MOBP: variants seen among roughly 807,000 people sequenced by gnomAD.
The protein encoded by MOBP is myelin-associated oligodendrocyte basic protein.
Under a neutral mutation model 15.0 loss-of-function variants are expected in MOBP, and 5 were observed. The ratio of observed to expected loss-of-function variants is 0.33; its 90% CI spans 0.17 to 0.70. The LOEUF is 0.70. Among genes scored for constraint, MOBP ranks in the 30% least tolerant of loss-of-function variants. The probability of loss-of-function intolerance (pLI) is 0.67; values close to 1 mark genes in which losing one functional copy is unlikely to be tolerated. For missense variants in MOBP, 188 were observed against 257.8 expected (o/e 0.73, Z 1.85); for synonymous variants, 88 against 99.0 (o/e 0.89, Z 0.66).
intron 2 of MOBP, among the ~76,000 whole-genome samples, chr3:39,493,145 TAAAA>T (rs2125644990): frequency 6.6e-6 from 1 of 152,188 alleles, no homozygotes; most frequent in South Asian, 2.1e-4. Context: ...GAAAAGATGA[TAAAA>T]AGAAAGGAGG....
chr3:39,502,161 C>T lies in MOBP; in HGVS notation c.92C>T (p.Thr31Ile), dbSNP rs764606840. Residue 31 changes from threonine to isoleucine, a missense_variant, in exon 3 of 4, where the codon ACC (threonine) becomes ATC (isoleucine). This residue lies in a region of MOBP where 133 missense variants were observed against 212.5 expected (regional missense o/e 0.63). Transcript: ENST00000684792. This position sits in a 1 kb window ranked among gnomAD's most constrained non-coding sequence, Gnocchi z 6.3. Reference sequence around the variant, plus strand: ...AGCATACACTGCTGCCCGCCGTTCACCTTCCTCAATTCCAAGAAGGAGATA... The same window carrying T: ...AGCATACACTGCTGCCCGCCGTTCATCTTCCTCAATTCCAAGAAGGAGATA... ...HFSIHCCPPF[T>I]FLNSKKEIVD... The T allele has an allele frequency of 6.8e-6, 11 of 1,614,140 alleles. No homozygotes were observed. Among genetic ancestry groups the T allele is most frequent in the Non-Finnish European group, 9.3e-6 (11 of 1,180,052 alleles).
At chr3:39,496,530 G>A (rs757507290) in intron 2 of MOBP, among the ~76,000 whole-genome samples, 2 of 151,156 alleles carry the variant, frequency 1.3e-5, no homozygotes, top group Non-Finnish European at 2.9e-5. Context: ...ACAGAGTCTC[G>A]CTGTGTTGCC....
chr3:39,479,287 A>G (rs926176448), intron 1 of MOBP, among the ~76,000 whole-genome samples: 6 of 152,154 alleles, frequency 3.9e-5, no homozygotes, highest in Non-Finnish European at 7.3e-5. Flanking sequence ...TTTCAATTAC[A>G]TCCTTATTAC....
At chr3:39,518,526 CAGAA>C (rs1259061638), downstream of MOBP, among the ~76,000 whole-genome samples, 4 of 152,058 alleles carry the variant, frequency 2.6e-5, no homozygotes, top group African/African-American at 9.7e-5. Flanking sequence ...ACCCTTCATG[CAGAA>C]AGAAAGAGCT....
chr3:39,488,702 T>C (rs984995567), intron 2 of MOBP, among the ~76,000 whole-genome samples: 7 of 152,058 alleles, frequency 4.6e-5, no homozygotes, highest in East Asian at 3.8e-4. Context: ...AATTGCTTCA[T>C]TGGGCATTCG....
intron 2 of MOBP, among the ~76,000 whole-genome samples, chr3:39,498,360 T>C (rs1449386037): frequency 6.6e-6 from 1 of 152,154 alleles, no homozygotes; most frequent in East Asian, 1.9e-4. Context: ...TTTTATTTTT[T>C]TGTTTTTGGA....
chr3:39,479,236 T>G (rs911880753), intron 1 of MOBP, among the ~76,000 whole-genome samples: 3 of 152,200 alleles, frequency 2.0e-5, no homozygotes, highest in Admixed American at 2.0e-4. Context: ...TGATTTCACT[T>G]AAAACTCTTA....
exon 5 of MOBP, chr3:39,514,241 C>T (rs758489819): frequency 6.6e-6 from 1 of 152,232 alleles, no homozygotes; most frequent in Non-Finnish European, 1.5e-5. Context: ...GAGCCTTGCT[C>T]AGCCCATCTG....
intron 2 of MOBP, among the ~76,000 whole-genome samples, chr3:39,494,782 G>GCCC (rs142834446): frequency 0.029 from 2,507 of 85,344 alleles, 37 homozygotes; most frequent in East Asian, 0.078. Context: ...TATTTTCAAA[G>GCCC]CCCCCCCCCG....
chr3:39,502,425 G>A lies in MOBP; in HGVS notation c.207-110G>A, dbSNP rs781312685. 4.6e-6 allele frequency: 7 copies of A among 1,522,080 alleles called. No homozygotes were observed. In the Admixed American group the frequency reaches 1.0e-4, roughly 22 times the overall value. The allele number at this position is 1,522,080 out of a possible 1,614,324, so 94.3% of individuals were successfully genotyped here. On this transcript the variant is annotated intron_variant, in intron 3 of 3. Coordinates refer to ENST00000684792, the MANE Select transcript of MOBP (RefSeq NM_001393704.1). The surrounding 1 kb of genome is among the most constrained non-coding windows in gnomAD (Gnocchi z 6.3). ...GGAAGGCACTCCAGGGAGACTGGAA[G>A]GTGGGTGGGGGAGCAGGGCCTTCCT... is the stretch of plus-strand genomic sequence containing the variant.
intron 2 of MOBP, among the ~76,000 whole-genome samples, chr3:39,491,853 A>G (rs892618709): frequency 6.6e-6 from 1 of 152,220 alleles, no homozygotes; most frequent in African/African-American, 2.4e-5. Context: ...CGAAACCTCA[A>G]AACCATGGTG....
chr3:39,481,683 G>A (rs1272624851), intron 2 of MOBP, among the ~76,000 whole-genome samples: 2 of 152,070 alleles, frequency 1.3e-5, no homozygotes, highest in Admixed American at 1.3e-4. Flanking sequence ...TAGTTTCTCT[G>A]TCTATCTTTA....
chr3:39,513,494 G>A, exon 5 of MOBP: 1 of 1,450,534 alleles, frequency 6.9e-7, no homozygotes, highest in Non-Finnish European at 9.6e-7. Context: ...ATCTACCCCT[G>A]GATGAAGTTA....
downstream of MOBP, chr3:39,528,055 TG>T (rs1465192774): frequency 6.6e-6 from 1 of 152,202 alleles, no homozygotes; most frequent in Non-Finnish European, 1.5e-5. Context: ...TTTTTGTGAT[TG>T]TTAACATTAA....
rs578135079 is a variant in MOBP at position 39,478,240 on chromosome 3, T to G, written c.-88-1800T>G. Among the ~76,000 whole-genome samples the G allele has an allele frequency of 6.6e-5, 10 of 152,352 alleles. No homozygotes were observed. In the South Asian group the frequency reaches 1.7e-3, roughly 25 times the overall value. On this transcript the variant is annotated intron_variant, in intron 1 of 3. Transcript: ENST00000684792. ...TTAAATCTTTTATATTGTATTTTAC[T>G]GTACATTTTCTATTTTAGATATGTT...
At chr3:39,521,368 C>T (rs2043264430) in intron 3 of MOBP, among the ~76,000 whole-genome samples, 1 of 152,132 alleles carries the variant, frequency 6.6e-6, no homozygotes, top group South Asian at 2.1e-4. Flanking sequence ...TATACCAGGA[C>T]ATTTTTTATA....
chr3:39,500,086 G>A (rs1175012267), intron 2 of MOBP: 1 of 456,134 alleles, frequency 2.2e-6, no homozygotes, highest in Non-Finnish European at 4.4e-6. Context: ...ATTGTGAGCA[G>A]GATGTTTATC....
At chr3:39,473,180 C>T (rs911237594) in intron 1 of MOBP, among the ~76,000 whole-genome samples, 2 of 152,192 alleles carry the variant, frequency 1.3e-5, no homozygotes, top group African/African-American at 4.8e-5. Flanking sequence ...CTGGTGTCAG[C>T]TGTGCTCTGG....
intron 4 of MOBP, among the ~76,000 whole-genome samples, chr3:39,510,141 T>C (rs1223807253): frequency 6.6e-6 from 1 of 152,120 alleles, no homozygotes; most frequent in East Asian, 1.9e-4. Context: ...TGATCATATA[T>C]TTATGGGTTT....
Sources: allele counts gnomAD v4.1 joint callset (sites outside exome capture counted in the v4.1 genomes callset), GRCh38; gene constraint gnomAD v4.1.1; regional missense constraint gnomAD v4.1.1; non-coding constraint Gnocchi (gnomAD v3.1); transcripts MANE v1.5; gene names NCBI Gene and HGNC (gene_info 2026-07-23, HGNC 2026-07-21).